Variants in AP3B1 observed in about 807,000 individuals in gnomAD.
AP3B1 encodes AP-3 complex subunit beta-1.
In AP3B1, 61 loss-of-function variants were observed where a neutral mutation model predicts 132.5. The ratio of observed to expected loss-of-function variants is 0.46; its 90% CI spans 0.37 to 0.57. The LOEUF (loss-of-function observed/expected upper bound fraction) is 0.57, where lower values mean the gene tolerates loss of function less well. AP3B1 is among the 20% of genes least tolerant of loss of function. AP3B1 has a pLI of 0.00. For synonymous variants in AP3B1, 388 were observed against 438.3 expected, an observed-to-expected ratio of 0.89 and a Z score of 1.43; for missense variants, 1,120 against 1,289.4, an observed-to-expected ratio of 0.87 and a Z score of 2.01.
intron 7 of AP3B1, among the ~76,000 whole-genome samples, chr5:78,192,080 G>A (rs889168218): frequency 2.2e-4 from 34 of 151,570 alleles, no homozygotes; most frequent in Middle Eastern, 3.4e-3. Flanking sequence ...GGCTGGTCTC[G>A]AACTCCCAAC....
chr5:78,022,872 A>G (rs1257612736), intron 24 of AP3B1, among the ~76,000 whole-genome samples: 1 of 152,200 alleles, frequency 6.6e-6, no homozygotes, highest in Non-Finnish European at 1.5e-5. Context: ...CTTAAGAGAC[A>G]GCTTCTGTTA....
chr5:78,174,181 T>A (rs1744046052), intron 11 of AP3B1, among the ~76,000 whole-genome samples: 1 of 152,186 alleles, frequency 6.6e-6, no homozygotes, highest in Admixed American at 6.5e-5. Flanking sequence ...GAAGCCTACT[T>A]CCGTCAACTC....
intron 21 of AP3B1, among the ~76,000 whole-genome samples, chr5:78,097,516 T>A: frequency 1.2e-5 from 1 of 83,400 alleles, no homozygotes; most frequent in African/African-American, 5.1e-5. Context: ...GGTGGGGGGG[T>A]CAGCCCCCCG....
chr5:78,002,882 A>G lies in AP3B1; in HGVS notation c.*20T>C, dbSNP rs1369968306. 5 of 1,614,068 alleles carry G rather than the reference A, an allele frequency of 3.1e-6. No homozygotes were observed. Among genetic ancestry groups the G allele is most frequent in the African/African-American group, 2.7e-5 (2 of 74,932 alleles). On this transcript the variant is annotated 3_prime_UTR_variant, in exon 27 of 27. Transcript: ENST00000255194. ...GCACTTTTGTTGTGTGCCAGATTCT[A>G]AAGTCCAGATGTAAGCAGGTTACCC...
At chr5:78,105,017 GTAT>G (rs946659555) in intron 20 of AP3B1, among the ~76,000 whole-genome samples, 3 of 151,982 alleles carry the variant, frequency 2.0e-5, no homozygotes, top group Non-Finnish European at 4.4e-5. Context: ...TTAATATTAA[GTAT>G]TATTAAGTGC....
intron 8 of AP3B1, among the ~76,000 whole-genome samples, chr5:78,180,347 G>T (rs898426987): frequency 6.6e-6 from 1 of 152,012 alleles, no homozygotes; most frequent in Non-Finnish European, 1.5e-5. Context: ...TTAAGAACAT[G>T]TTTAACCTAA....
chr5:78,168,684 A>T (rs1323600054), intron 11 of AP3B1, among the ~76,000 whole-genome samples: 1 of 152,218 alleles, frequency 6.6e-6, no homozygotes, highest in Non-Finnish European at 1.5e-5. Flanking sequence ...AAACAAGGAC[A>T]TGTTCCACAG....
At chr5:78,276,890 A>C (rs577476569) in intron 1 of AP3B1, among the ~76,000 whole-genome samples, 47 of 150,764 alleles carry the variant, frequency 3.1e-4, no homozygotes, top group African/African-American at 7.3e-4. Flanking sequence ...AAAGAAGAAG[A>C]AGCAAATTTA....
At chr5:78,096,864 C>A (rs1750831438) in intron 21 of AP3B1, among the ~76,000 whole-genome samples, 1 of 151,094 alleles carries the variant, frequency 6.6e-6, no homozygotes, top group Admixed American at 6.6e-5. Context: ...GCCAGGCCAG[C>A]CGCCCCGTCC....
chr5:78,187,817 A>G (rs1744663199), intron 7 of AP3B1, among the ~76,000 whole-genome samples: 1 of 152,252 alleles, frequency 6.6e-6, no homozygotes, highest in Non-Finnish European at 1.5e-5. Context: ...GCATCATGCT[A>G]CCTGACTTCA....
intron 24 of AP3B1, among the ~76,000 whole-genome samples, chr5:78,024,491 G>A (rs1428634239): frequency 6.6e-6 from 1 of 151,790 alleles, no homozygotes; most frequent in African/African-American, 2.4e-5. Context: ...CTGGGCTCAA[G>A]TGATGCTCCT....
At chr5:78,268,633 C>T (rs1455402358) in intron 1 of AP3B1, among the ~76,000 whole-genome samples, 1 of 152,120 alleles carries the variant, frequency 6.6e-6, no homozygotes, top group African/African-American at 2.4e-5. Flanking sequence ...TAGTCTTACT[C>T]GTAAACTAAT....
At chr5:78,050,327 C>T (rs1041368339) in intron 22 of AP3B1, among the ~76,000 whole-genome samples, 4 of 152,126 alleles carry the variant, frequency 2.6e-5, no homozygotes, top group African/African-American at 9.7e-5. Flanking sequence ...CATCTACTTC[C>T]CACTTTTATG....
At chr5:78,228,737 T>C (rs929255852) in intron 3 of AP3B1, among the ~76,000 whole-genome samples, 1 of 152,150 alleles carries the variant, frequency 6.6e-6, no homozygotes, top group African/African-American at 2.4e-5. Flanking sequence ...ACTAACTATA[T>C]GTTATGGGAA....
intron 26 of AP3B1, among the ~76,000 whole-genome samples, chr5:78,014,174 A>G (rs920620268): frequency 6.6e-6 from 1 of 152,160 alleles, no homozygotes; most frequent in Admixed American, 6.5e-5. Flanking sequence ...AACAACAAAA[A>G]AGAAATGAAA....
intron 22 of AP3B1, among the ~76,000 whole-genome samples, chr5:78,062,183 A>G (rs1749087715): frequency 6.6e-6 from 1 of 152,228 alleles, no homozygotes; most frequent in Non-Finnish European, 1.5e-5. Context: ...CTCTGCAAAA[A>G]TACCGTCATG....
intron 22 of AP3B1, among the ~76,000 whole-genome samples, chr5:78,056,579 C>A (rs370311874): frequency 1.3e-5 from 2 of 152,272 alleles, no homozygotes; most frequent in African/African-American, 4.8e-5. Context: ...CATCCAAAGG[C>A]CTTTACAAAA....
intron 1 of AP3B1, among the ~76,000 whole-genome samples, chr5:78,292,958 A>G (rs1212349486): frequency 6.6e-6 from 1 of 151,748 alleles, no homozygotes; most frequent in Non-Finnish European, 1.5e-5. Context: ...GGCTCACTGC[A>G]GCTTCCGCCT....
At chr5:78,132,247 A>G (rs114703978) in intron 15 of AP3B1, among the ~76,000 whole-genome samples, 2,461 of 152,290 alleles carry the variant, frequency 0.016, 66 homozygotes, top group African/African-American at 0.055. Flanking sequence ...TCTTAATTAA[A>G]TAAGAACATT....
Sources: gnomAD v4.1 joint callset for allele counts (sites outside exome capture counted in the v4.1 genomes callset) on GRCh38, gnomAD v4.1.1 for gene constraint, MANE v1.5 for transcripts, NCBI Gene and HGNC (gene_info 2026-07-23, HGNC 2026-07-21) for gene names.